KIAA0319: variants seen among roughly 807,000 people sequenced by gnomAD.
The protein encoded by KIAA0319 is dyslexia-associated protein KIAA0319.
KIAA0319 carries 83 observed loss-of-function variants against 108.4 expected under a neutral mutation model. The observed-to-expected ratio is 0.77, with a 90% CI of 0.64 to 0.92. The LOEUF is 0.92. Ranked by LOEUF, KIAA0319 falls within the 40% of genes least tolerant of loss-of-function variation. The pLI is 0.00. For missense variants in KIAA0319, 1,195 were observed against 1,322.4 expected, an observed-to-expected ratio of 0.90 and a Z score of 1.49; for synonymous variants, 484 against 510.4, an observed-to-expected ratio of 0.95 and a Z score of 0.70.
chr6:24,564,186 G>C lies in KIAA0319; in HGVS notation c.2431+16C>G. ...GCCAGAGCCTGCATGGCCAGCTCCA[G>C]AGCCCAGGAACTCACCTGGCTGCAC... On this transcript the variant is annotated intron_variant, in intron 15 of 20. Transcript: ENST00000378214. The C allele has an allele frequency of 6.2e-7, 1 of 1,614,042 alleles. No individual in the cohort carries two copies. The highest frequency in any genetic ancestry group is 8.5e-7 in the Non-Finnish European group (1 of 1,179,986).
chr6:24,572,032 G>A (rs1050457129), intron 11 of KIAA0319, among the ~76,000 whole-genome samples: 2 of 152,240 alleles, frequency 1.3e-5, no homozygotes, highest in African/African-American at 4.8e-5. Flanking sequence ...AAATAAATAA[G>A]TTGTCTATAG....
At chr6:24,585,474 CA>C (rs1235812022) in intron 4 of KIAA0319, among the ~76,000 whole-genome samples, 1 of 151,976 alleles carries the variant, frequency 6.6e-6, no homozygotes, top group African/African-American at 2.4e-5. Context: ...TTCACAGGTG[CA>C]GGGGGTGGGG....
intron 2 of KIAA0319, chr6:24,598,800 C>T (rs1374389444): frequency 1.2e-5 from 3 of 257,786 alleles, no homozygotes; most frequent in Non-Finnish European, 2.3e-5. Flanking sequence ...TCCTTGAACC[C>T]AGGAGGCAGA....
rs1272603404 is a variant in KIAA0319 at position 24,634,152 on chromosome 6, T to C, written c.-106+11584A>G. Among the ~76,000 whole-genome samples the C allele has an allele frequency of 3.9e-5, 6 of 152,182 alleles. 1 individual carries two copies. Among genetic ancestry groups the C allele is most frequent in the Admixed American group, 3.3e-4 (5 of 15,268 alleles). On this transcript the variant is annotated intron_variant, in intron 1 of 20. Coordinates refer to ENST00000378214, the MANE Select transcript of KIAA0319 (RefSeq NM_014809.4). ...TTATTTAACACCTGTCATGAAGGAC[T>C]GAAAGCGCTAAATGTTAGGAATACA...
intron 13 of KIAA0319, among the ~76,000 whole-genome samples, chr6:24,567,060 T>A (rs553240064): frequency 6.6e-6 from 1 of 152,296 alleles, no homozygotes; most frequent in South Asian, 2.1e-4. Flanking sequence ...TTTACCAACA[T>A]TTAGGGTATT....
intron 1 of KIAA0319, among the ~76,000 whole-genome samples, chr6:24,608,825 G>C (rs1433954699): frequency 6.6e-6 from 1 of 150,406 alleles, no homozygotes; most frequent in Non-Finnish European, 1.5e-5. Flanking sequence ...CAGCTACTTG[G>C]GAGGCTGAGG....
chr6:24,563,239 T>C (rs908347611), intron 16 of KIAA0319, 120 bp downstream of exon 16: 14 of 1,150,618 alleles, frequency 1.2e-5, no homozygotes, highest in East Asian at 2.5e-5. Context: ...ATGAATGGGA[T>C]AAAAGTGTGT....
chr6:24,560,660 T>C (rs1435952531), intron 16 of KIAA0319, among the ~76,000 whole-genome samples: 1 of 152,176 alleles, frequency 6.6e-6, no homozygotes, highest in African/African-American at 2.4e-5. Flanking sequence ...CAGCAATCCT[T>C]GGTATTCCTT....
chr6:24,570,415 C>T (rs1012821358), intron 11 of KIAA0319, among the ~76,000 whole-genome samples: 3 of 151,972 alleles, frequency 2.0e-5, no homozygotes, highest in South Asian at 2.1e-4. Context: ...GGTGAAACCC[C>T]GTCTCTACTA....
At chr6:24,567,563 T>C (rs1269227957) in intron 13 of KIAA0319, among the ~76,000 whole-genome samples, 2 of 151,934 alleles carry the variant, frequency 1.3e-5, no homozygotes, top group African/African-American at 2.4e-5. Context: ...CAGCTGGGCA[T>C]GGTAACACAC....
chr6:24,588,509 T>C, intron 4 of KIAA0319, 84 bp downstream of exon 4: 1 of 1,124,356 alleles, frequency 8.9e-7, no homozygotes, highest in Non-Finnish European at 1.3e-6. Flanking sequence ...CTGGAGGGAA[T>C]GAGTAAACTT....
intron 1 of KIAA0319, among the ~76,000 whole-genome samples, chr6:24,643,650 C>A (rs1350912677): frequency 1.3e-5 from 2 of 152,046 alleles, no homozygotes; most frequent in Non-Finnish European, 2.9e-5. Flanking sequence ...AAGCTTTGGA[C>A]ATGTCAAAAT....
At chr6:24,612,625 GA>G (rs771794145) in intron 1 of KIAA0319, among the ~76,000 whole-genome samples, 90 of 152,296 alleles carry the variant, frequency 5.9e-4, no homozygotes, top group Non-Finnish European at 8.5e-4. Flanking sequence ...GTTAAGTGAA[GA>G]AAGAAAGTGC....
Position 24,578,099 on chromosome 6 carries a change from G to C in KIAA0319, c.1505+11C>G. The C allele has an allele frequency of 6.2e-7, 1 of 1,605,122 alleles. No individual in the cohort carries two copies. Reference sequence around the variant, plus strand: ...TAGCAGGCAGCACAATAAAGGCAGGGACCCACTTGCCTGAAACTATAGTTA... The same window carrying C: ...TAGCAGGCAGCACAATAAAGGCAGGCACCCACTTGCCTGAAACTATAGTTA... On this transcript the variant is annotated intron_variant, in intron 9 of 20. Coordinates refer to ENST00000378214, the MANE Select transcript of KIAA0319 (RefSeq NM_014809.4).
rs760446752 is a variant in KIAA0319 at position 24,563,453 on chromosome 6, G to A, written c.2497C>T (p.Arg833Trp). The A allele has an allele frequency of 1.4e-5, 23 of 1,613,590 alleles. No homozygotes were observed. In the South Asian group the frequency reaches 2.2e-4, roughly 15 times the overall value. ...QVGVGQLTEQRKDTLVRQLAV... is the reference protein window; with the variant it reads ...QVGVGQLTEQWKDTLVRQLAV... ...AGCTGCCTCACAAGGGTGTCCTTCC[G>A]CTGCTCTGTCAGCTGCCCAACACCA... Residue 833 changes from arginine (R) to tryptophan (W), a missense_variant, in exon 16 of 21, where the codon CGG becomes TGG. Arg to Trp is a moderately radical substitution (Grantham distance 101, BLOSUM62 -3). Transcript: ENST00000378214.
Position 24,544,856 on chromosome 6 carries a change from T to C in KIAA0319, c.*2309A>G, listed in dbSNP as rs1760442720. ...AATGGGGTGACAAGACAGGACTCACTTTCTGATCACTACTGTGATGTTTGA... is the reference window on the plus strand; with the variant it reads ...AATGGGGTGACAAGACAGGACTCACCTTCTGATCACTACTGTGATGTTTGA... On this transcript the variant is annotated 3_prime_UTR_variant, in exon 21 of 21. Transcript: ENST00000378214. 1 of 152,220 alleles carries C rather than the reference T, an allele frequency of 6.6e-6. No individual in the cohort carries two copies. Among genetic ancestry groups the C allele is most frequent in the Admixed American group, 6.5e-5 (1 of 15,276 alleles). The allele number at this position is 152,220 out of a possible 1,614,324, so 9.4% of individuals were successfully genotyped here. A position where few individuals can be genotyped will look rare whatever the true frequency, so the allele number is the denominator to read the frequency against.
chr6:24,603,472 G>GT (rs1349310572), intron 1 of KIAA0319, among the ~76,000 whole-genome samples: 6 of 152,198 alleles, frequency 3.9e-5, no homozygotes. Flanking sequence ...TTGCAAGATG[G>GT]TATGTTGTAA....
At chr6:24,615,594 T>C (rs1023209521) in intron 1 of KIAA0319, among the ~76,000 whole-genome samples, 1 of 152,182 alleles carries the variant, frequency 6.6e-6, no homozygotes, top group African/African-American at 2.4e-5. Context: ...GCCCTATAAA[T>C]ATTTTAAGTT....
chr6:24,564,165 G>C, intron 15 of KIAA0319, 37 bp downstream of exon 15: 4 of 1,613,462 alleles, frequency 2.5e-6, no homozygotes, highest in Non-Finnish European at 2.5e-6. Context: ...TGACCAGCCA[G>C]AGCCTGCATG....
Sources: gnomAD v4.1 joint callset for allele counts (sites outside exome capture counted in the v4.1 genomes callset) on GRCh38, gnomAD v4.1.1 for gene constraint, MANE v1.5 for transcripts, NCBI Gene and HGNC (gene_info 2026-07-23, HGNC 2026-07-21) for gene names.